The following BABAM2 variants were observed in gnomAD, a reference collection of about 807,000 sequenced individuals.
BABAM2 encodes the protein BRISC and BRCA1 A complex member 2.
In BABAM2, 31 loss-of-function variants were observed where a neutral mutation model predicts 54.7. The observed-to-expected ratio is 0.57, with a 90% CI of 0.43 to 0.77. The LOEUF is 0.77. Among genes scored for constraint, BABAM2 ranks in the 30% least tolerant of loss-of-function variants. The pLI, the probability that BABAM2 is intolerant of heterozygous loss-of-function variation, is 0.00. For missense variants in BABAM2, 364 were observed against 455.8 expected (o/e 0.80, Z 1.83); for synonymous variants, 167 against 162.9 (o/e 1.03, Z -0.19).
chr2:27,910,393 T>C (rs1036712519), intron 2 of BABAM2, among the ~76,000 whole-genome samples: 3 of 151,814 alleles, frequency 2.0e-5, no homozygotes, highest in Non-Finnish European at 4.4e-5. Flanking sequence ...TTTAAACTAA[T>C]TGATTTTTAA....
chr2:28,094,241 T>C (rs976458680), intron 6 of BABAM2, among the ~76,000 whole-genome samples: 2 of 152,200 alleles, frequency 1.3e-5, no homozygotes, highest in African/African-American at 4.8e-5. Flanking sequence ...GAGGATGATT[T>C]ATGGTCACTA....
chr2:28,003,486 A>G (rs1487318307), intron 4 of BABAM2, among the ~76,000 whole-genome samples: 6 of 152,138 alleles, frequency 3.9e-5, no homozygotes, highest in Admixed American at 3.3e-4. Flanking sequence ...ACTACTTGGG[A>G]GGCTAAAGTG....
intron 7 of BABAM2, among the ~76,000 whole-genome samples, chr2:28,205,599 A>G (rs6732163): frequency 0.18 from 27,126 of 152,188 alleles, 2,585 homozygotes; most frequent in African/African-American, 0.23. Flanking sequence ...CAAGTTCCTT[A>G]CAATGTATGT....
At chr2:28,174,092 A>G (rs1242758419) in intron 7 of BABAM2, among the ~76,000 whole-genome samples, 1 of 152,222 alleles carries the variant, frequency 6.6e-6, no homozygotes, top group Non-Finnish European at 1.5e-5. Flanking sequence ...CAGCCAATTC[A>G]AATAAAATCG....
intron 7 of BABAM2, among the ~76,000 whole-genome samples, chr2:28,157,888 C>T (rs1672701713): frequency 6.6e-6 from 1 of 152,156 alleles, no homozygotes; most frequent in Admixed American, 6.5e-5. Flanking sequence ...GGATTACAGG[C>T]ATGAGCTACC....
chr2:27,997,059 C>T (rs1444796335), intron 4 of BABAM2, among the ~76,000 whole-genome samples: 1 of 152,072 alleles, frequency 6.6e-6, no homozygotes, highest in Non-Finnish European at 1.5e-5. Flanking sequence ...ACATGTATTA[C>T]ACCTTGGTAA....
At chr2:28,206,733 C>G (rs1678887238) in intron 7 of BABAM2, among the ~76,000 whole-genome samples, 1 of 152,190 alleles carries the variant, frequency 6.6e-6, no homozygotes, top group African/African-American at 2.4e-5. Flanking sequence ...CTGCAGCAGC[C>G]TTGATTAAAT....
rs564385291 is a variant in BABAM2 at position 28,259,514 on chromosome 2, G to GTCAGT, written c.934+14655_934+14659dup. On this transcript the variant is annotated intron_variant, in intron 10 of 11. Coordinates refer to ENST00000379624, the MANE Select transcript of BABAM2 (RefSeq NM_199191.3). ...TTATACATTGGGATACAAACCCTTT[G>GTCAGT]TCAGTTCCGTGTTCTGCAAATATTG... Among the ~76,000 whole-genome samples, 198 of 152,216 alleles carry GTCAGT rather than the reference G, an allele frequency of 1.3e-3. 2 individuals carry two copies. Among genetic ancestry groups the GTCAGT allele is most frequent in the Middle Eastern group, 3.4e-3 (1 of 294 alleles).
intron 7 of BABAM2, among the ~76,000 whole-genome samples, chr2:28,150,430 T>G (rs774623349): frequency 2.0e-5 from 3 of 152,168 alleles, no homozygotes; most frequent in Admixed American, 2.0e-4. Flanking sequence ...TGCCATCTCC[T>G]TTTCCTGACA....
At chr2:27,903,438 T>G (rs1665958354) in intron 2 of BABAM2, among the ~76,000 whole-genome samples, 1 of 152,230 alleles carries the variant, frequency 6.6e-6, no homozygotes, top group Admixed American at 6.5e-5. Flanking sequence ...ACAAAAAAAC[T>G]TCTTTTTAAT....
chr2:27,961,726 T>G (rs1296191222), intron 3 of BABAM2, among the ~76,000 whole-genome samples: 8 of 136,478 alleles, frequency 5.9e-5, no homozygotes, highest in African/African-American at 2.1e-4. Context: ...AATTATCTTT[T>G]TTTTTTTTTT....
intron 2 of BABAM2, among the ~76,000 whole-genome samples, chr2:27,902,924 TGAGAGA>T (rs1167717410): frequency 2.7e-5 from 4 of 150,092 alleles, no homozygotes; most frequent in African/African-American, 7.3e-5. Flanking sequence ...TGTGTGTGTG[TGAGAGA>T]GAGAGAGAGA....
At chr2:28,060,653 A>C (rs1678783082) in intron 6 of BABAM2, among the ~76,000 whole-genome samples, 1 of 152,226 alleles carries the variant, frequency 6.6e-6, no homozygotes, top group African/African-American at 2.4e-5. Flanking sequence ...GCAGGATACA[A>C]GGTCAATATA....
intron 10 of BABAM2, among the ~76,000 whole-genome samples, chr2:28,258,808 A>T (rs1199061571): frequency 2.0e-5 from 3 of 147,210 alleles, no homozygotes; most frequent in Non-Finnish European, 4.5e-5. Flanking sequence ...ATGGAGTCTC[A>T]CTCTGTCACC....
chr2:27,985,056 G>GGT (rs1672300474), intron 3 of BABAM2, among the ~76,000 whole-genome samples: 4 of 67,134 alleles, frequency 6.0e-5, no homozygotes, highest in South Asian at 5.8e-4. Context: ...AGTATTCCAT[G>GGT]ATGTGTGTGT....
rs144719521 is a variant in BABAM2, at chr2:27,964,826, C to T, written c.206-23167C>T. Among the ~76,000 whole-genome samples the T allele has an allele frequency of 2.8e-3, 430 of 152,294 alleles. 2 individuals are homozygous for T. The highest frequency in any genetic ancestry group is 0.01 in the African/African-American group (417 of 41,568). On this transcript the variant is annotated intron_variant, in intron 3 of 11. Coordinates refer to ENST00000379624, the MANE Select transcript of BABAM2 (RefSeq NM_199191.3). The stretch of plus-strand genomic sequence containing the variant: ...TTCTCAGTTCTGGATTCTTTCTACT[C>T]ATCACATTCTGTTCTTCTAGAAAAT...
chr2:28,132,598 T>G (rs1670184915), intron 7 of BABAM2, among the ~76,000 whole-genome samples: 1 of 152,202 alleles, frequency 6.6e-6, no homozygotes. Context: ...CTAAAGCTGC[T>G]CCTTCCATGT....
At chr2:27,902,479 T>C (rs1001849189) in intron 2 of BABAM2, among the ~76,000 whole-genome samples, 6 of 152,222 alleles carry the variant, frequency 3.9e-5, no homozygotes, top group African/African-American at 1.4e-4. Context: ...TATTAGATAT[T>C]GCCAGATTGA....
At chr2:28,243,922 T>A (rs984336810) in intron 9 of BABAM2, among the ~76,000 whole-genome samples, 1 of 152,276 alleles carries the variant, frequency 6.6e-6, no homozygotes, top group Admixed American at 6.5e-5. Context: ...ATAAGGCATC[T>A]CTAAGGACAT....
Sources: allele counts gnomAD v4.1 joint callset (sites outside exome capture counted in the v4.1 genomes callset), GRCh38; gene constraint gnomAD v4.1.1; transcripts MANE v1.5; gene names NCBI Gene and HGNC (gene_info 2026-07-23, HGNC 2026-07-21).